The following HOMER1 variants were observed in gnomAD, a reference collection of about 807,000 sequenced individuals.
HOMER1 encodes homer scaffold protein 1.
In HOMER1, 3 loss-of-function variants were observed where a neutral mutation model predicts 48.9. The ratio of observed to expected loss-of-function variants is 0.06; its 90% CI spans 0.03 to 0.16. HOMER1 has a LOEUF of 0.16. Ranked by LOEUF, HOMER1 falls within the 10% of genes least tolerant of loss-of-function variation. The pLI, the probability that HOMER1 is intolerant of heterozygous loss-of-function variation, is 1.00. For missense variants in HOMER1, 247 were observed against 411.4 expected, an observed-to-expected ratio of 0.60 and a Z score of 3.46; for synonymous variants, 134 against 146.4, an observed-to-expected ratio of 0.92 and a Z score of 0.61.
chr5:79,490,051 C>T (rs1752226011), intron 1 of HOMER1, among the ~76,000 whole-genome samples: 1 of 152,164 alleles, frequency 6.6e-6, no homozygotes, highest in South Asian at 2.1e-4. Flanking sequence ...TCAATCACTG[C>T]AAATATAACC....
At chr5:79,390,650 C>A (rs1749225379) in intron 8 of HOMER1, among the ~76,000 whole-genome samples, 1 of 151,974 alleles carries the variant, frequency 6.6e-6, no homozygotes, top group Admixed American at 6.6e-5. Context: ...GACACACAAG[C>A]AGCATTGATA....
At position 79,439,002 on chromosome 5, in the gene HOMER1, A is replaced by T. The variant is rs1750668492; in HGVS notation, c.527+8T>A. On this transcript the variant is annotated splice_region_variant and intron_variant, in intron 5 of 8. Coordinates refer to ENST00000334082, the MANE Select transcript of HOMER1 (RefSeq NM_004272.5). ...TACTTAATCATAATTGCTGAATTGA[A>T]TCTGTACCTATGTGAAAATGGCAAT... 2 of 1,612,006 alleles carry T rather than the reference A, an allele frequency of 1.2e-6. No homozygotes were observed. The highest frequency in any genetic ancestry group is 2.7e-5 in the African/African-American group (2 of 74,888).
intron 5 of HOMER1, among the ~76,000 whole-genome samples, chr5:79,411,438 T>A (rs1339466031): frequency 2.6e-5 from 4 of 152,128 alleles, no homozygotes; most frequent in African/African-American, 9.7e-5. Flanking sequence ...TGAGTCAAGA[T>A]GGCACCACTG....
rs140131395 is a variant in HOMER1 at position 79,451,979 on chromosome 5, A to G, written c.163-858T>C. ...ACTTTTTCCCTTTACTCAAGGAAAA[A>G]ACAAACCTCTAAATATAGAGGTGTT... is the stretch of plus-strand genomic sequence containing the variant. On this transcript the variant is annotated intron_variant, in intron 2 of 8. Transcript: ENST00000334082. 4.4e-3 allele frequency among the ~76,000 whole-genome samples: 663 copies of G among 152,300 alleles called. 7 individuals carry two copies. The highest frequency in any genetic ancestry group is 0.015 in the African/African-American group (624 of 41,556).
intron 1 of HOMER1, among the ~76,000 whole-genome samples, chr5:79,462,479 A>G (rs1283584936): frequency 6.6e-6 from 1 of 152,194 alleles, no homozygotes; most frequent in African/African-American, 2.4e-5. Flanking sequence ...GATGTGGAAA[A>G]CTGGAAGAAT....
intron 4 of HOMER1, among the ~76,000 whole-genome samples, chr5:79,439,496 A>C (rs1750685227): frequency 6.6e-6 from 1 of 152,210 alleles, no homozygotes; most frequent in Admixed American, 6.5e-5. Context: ...AAGAATTACT[A>C]TACTTCAGAA....
chr5:79,471,454 G>A (rs749181035), intron 1 of HOMER1, among the ~76,000 whole-genome samples: 1 of 151,012 alleles, frequency 6.6e-6, no homozygotes, highest in East Asian at 2.0e-4. Context: ...GCTGAGGCAG[G>A]AGAATCTCTT....
At chr5:79,457,375 A>G (rs1580463710) in intron 1 of HOMER1, among the ~76,000 whole-genome samples, 1 of 152,210 alleles carries the variant, frequency 6.6e-6, no homozygotes, top group Non-Finnish European at 1.5e-5. Context: ...GAAACTGAAC[A>G]AAGTGACAAT....
intron 1 of HOMER1, among the ~76,000 whole-genome samples, chr5:79,501,972 A>G (rs1412116070): frequency 6.6e-6 from 1 of 152,148 alleles, no homozygotes; most frequent in African/African-American, 2.4e-5. Flanking sequence ...TAAAATTGAT[A>G]CAAATATATG....
intron 4 of HOMER1, among the ~76,000 whole-genome samples, chr5:79,446,412 G>A (rs966150960): frequency 6.6e-6 from 1 of 152,082 alleles, no homozygotes; most frequent in Admixed American, 6.6e-5. Flanking sequence ...CCTGTTTCTA[G>A]GACCAGCAAG....
intron 5 of HOMER1, among the ~76,000 whole-genome samples, chr5:79,414,632 G>A (rs1749897531): frequency 6.6e-6 from 1 of 152,120 alleles, no homozygotes; most frequent in African/African-American, 2.4e-5. Context: ...TCCTGCTTCT[G>A]CCTCTCAAAG....
At chr5:79,455,909 C>G (rs1049584104) in intron 2 of HOMER1, among the ~76,000 whole-genome samples, 1 of 152,184 alleles carries the variant, frequency 6.6e-6, no homozygotes, top group Non-Finnish European at 1.5e-5. Context: ...GTAATCCCAG[C>G]ACTTTGGGAG....
intron 1 of HOMER1, among the ~76,000 whole-genome samples, chr5:79,462,178 C>A (rs541016646): frequency 6.6e-6 from 1 of 152,076 alleles, no homozygotes; most frequent in African/African-American, 2.4e-5. Flanking sequence ...CCAGCCTGGG[C>A]GACAGAGCGA....
At chr5:79,459,150 C>T (rs1427438575) in intron 1 of HOMER1, among the ~76,000 whole-genome samples, 1 of 151,884 alleles carries the variant, frequency 6.6e-6, no homozygotes, top group African/African-American at 2.4e-5. Context: ...CCTAAATTCA[C>T]CTAAATAACA....
intron 5 of HOMER1, among the ~76,000 whole-genome samples, chr5:79,403,806 T>G (rs1749591827): frequency 6.6e-6 from 1 of 152,196 alleles, no homozygotes; most frequent in Admixed American, 6.5e-5. Context: ...GATTTTTCTA[T>G]AAGTCTAAAA....
chr5:79,438,998 T>A lies in HOMER1; in HGVS notation c.527+12A>T, dbSNP rs543916931. On this transcript the variant is annotated intron_variant, in intron 5 of 8. Transcript: ENST00000334082. The stretch of plus-strand genomic sequence containing the variant: ...CATTTACTTAATCATAATTGCTGAA[T>A]TGAATCTGTACCTATGTGAAAATGG... The A allele has an allele frequency of 5.6e-6, 9 of 1,610,970 alleles. No homozygotes were observed. The highest frequency in any genetic ancestry group is 6.8e-6 in the Non-Finnish European group (8 of 1,177,566).
At chr5:79,437,224 T>A (rs189619750) in intron 5 of HOMER1, among the ~76,000 whole-genome samples, 28 of 152,330 alleles carry the variant, frequency 1.8e-4, no homozygotes, top group African/African-American at 6.5e-4. Flanking sequence ...AATTTATTTC[T>A]AAATGCTACA....
intron 8 of HOMER1, among the ~76,000 whole-genome samples, chr5:79,379,114 A>ATATATATATATATAT (rs70975748): frequency 2.4e-5 from 2 of 82,290 alleles, no homozygotes; most frequent in African/African-American, 1.1e-4. Flanking sequence ...ATATATATAT[A>ATATATATATATATAT]AAATATATAA....
intron 2 of HOMER1, among the ~76,000 whole-genome samples, chr5:79,455,262 C>T (rs1489904060): frequency 6.6e-6 from 1 of 152,124 alleles, no homozygotes; most frequent in Non-Finnish European, 1.5e-5. Context: ...AAATACTTTG[C>T]TCAAGATCAG....
Sources: gnomAD v4.1 joint callset for allele counts (sites outside exome capture counted in the v4.1 genomes callset) on GRCh38, gnomAD v4.1.1 for gene constraint, MANE v1.5 for transcripts, NCBI Gene and HGNC (gene_info 2026-07-23, HGNC 2026-07-21) for gene names.